TMEM65: variants seen among roughly 807,000 people sequenced by gnomAD.
The protein encoded by TMEM65 is transmembrane protein 65.
In TMEM65, 22 loss-of-function variants were observed where a neutral mutation model predicts 25.4. The observed-to-expected ratio is 0.86, with a 90% CI of 0.62 to 1.23. The LOEUF is 1.23. Among genes scored for constraint, TMEM65 ranks in the 50% most tolerant of loss-of-function variants. The pLI is 0.00. For synonymous variants in TMEM65, 132 were observed against 126.2 expected (o/e 1.05, Z -0.31); for missense variants, 262 against 308.2 (o/e 0.85, Z 1.12).
At chr8:124,351,121 A>T (rs2131219534) in intron 1 of TMEM65, 1 of 984,710 alleles carries the variant, frequency 1.0e-6, no homozygotes, top group Non-Finnish European at 1.2e-6. Context: ...TCTGCATGCT[A>T]AAAGATATTT....
At chr8:124,327,898 A>G (rs551823524) in intron 2 of TMEM65, among the ~76,000 whole-genome samples, 2 of 152,212 alleles carry the variant, frequency 1.3e-5, no homozygotes, top group East Asian at 3.9e-4. Flanking sequence ...GCTTTTACTA[A>G]CTAATTTTTT....
intron 1 of TMEM65, among the ~76,000 whole-genome samples, chr8:124,334,341 T>C (rs189154695): frequency 4.6e-5 from 7 of 152,302 alleles, no homozygotes; most frequent in Non-Finnish European, 1.5e-5. Flanking sequence ...ATTAAAATTG[T>C]ATTCAAAGAT....
At chr8:124,344,068 T>C (rs533279773) in intron 1 of TMEM65, among the ~76,000 whole-genome samples, 1 of 152,350 alleles carries the variant, frequency 6.6e-6, no homozygotes, top group South Asian at 2.1e-4. Flanking sequence ...TGGCCTCTAA[T>C]GTACAAAGCA....
At chr8:124,315,325 G>GT (rs112083301) in intron 6 of TMEM65, among the ~76,000 whole-genome samples, 8,333 of 139,632 alleles carry the variant, frequency 0.06, 231 homozygotes, top group Non-Finnish European at 0.063. Context: ...TTTTTTTTTT[G>GT]TTTGTTTTTT....
intron 1 of TMEM65, among the ~76,000 whole-genome samples, chr8:124,355,642 G>C (rs1006976672): frequency 1.3e-5 from 2 of 152,166 alleles, no homozygotes; most frequent in Non-Finnish European, 2.9e-5. Flanking sequence ...ATATAACATA[G>C]GGGCTTCATC....
Position 124,347,391 on chromosome 8 carries a change from A to G in TMEM65, c.305-16599T>C, listed in dbSNP as rs138076380. Among the ~76,000 whole-genome samples, 647 of 152,292 alleles carry G rather than the reference A, an allele frequency of 4.2e-3. 5 individuals carry two copies. The highest frequency in any genetic ancestry group is 0.015 in the African/African-American group (610 of 41,564). On this transcript the variant is annotated intron_variant, in intron 1 of 6. Coordinates refer to ENST00000297632, the MANE Select transcript of TMEM65 (RefSeq NM_194291.3). ...ATGTAGGAAAGAAATTTCTACTTAT[A>G]TCTTATAAAAACTAACATTGTAATG...
Position 124,318,363 on chromosome 8 carries a change from G to GTTTTTTTTTTTTT in TMEM65, c.621+1722_621+1723insAAAAAAAAAAAAA, listed in dbSNP as rs144957064. Among the ~76,000 whole-genome samples, 18 of 73,838 alleles carry GTTTTTTTTTTTTT rather than the reference G, an allele frequency of 2.4e-4. 5 individuals carry two copies. Among genetic ancestry groups the GTTTTTTTTTTTTT allele is most frequent in the African/African-American group, 7.3e-4 (13 of 17,866 alleles). 48.4% of individuals were successfully genotyped at this position (73,838 alleles called of 152,430 possible). A position where few individuals can be genotyped will look rare whatever the true frequency, so the allele number is the denominator to read the frequency against. Reference sequence around the variant, plus strand: ...TTGTTTTAAGCTGCTGAATTTGCATGTTTTTGTTTTTTTTTTTTTTTTTTT... The same window carrying GTTTTTTTTTTTTT: ...TTGTTTTAAGCTGCTGAATTTGCATGTTTTTTTTTTTTTTTTTTGTTTTTTTTTTTTTTTTTTT... On this transcript the variant is annotated intron_variant, in intron 6 of 6. Transcript: ENST00000297632.
At chr8:124,357,207 C>A (rs937597632) in intron 1 of TMEM65, among the ~76,000 whole-genome samples, 1 of 152,072 alleles carries the variant, frequency 6.6e-6, no homozygotes. Context: ...TACTGCCTAG[C>A]CCTAGTTACT....
intron 1 of TMEM65, among the ~76,000 whole-genome samples, chr8:124,366,014 A>T (rs1410213110): frequency 6.6e-6 from 1 of 152,184 alleles, no homozygotes; most frequent in Non-Finnish European, 1.5e-5. Context: ...TGAGGTCAGG[A>T]GTTCCAGACC....
rs71866914 is a variant in TMEM65 at position 124,350,119 on chromosome 8, AGTGTGTGTGTGTGTGTGT to A, written c.305-19345_305-19328del. On this transcript the variant is annotated intron_variant, in intron 1 of 6. Coordinates refer to ENST00000297632, the MANE Select transcript of TMEM65 (RefSeq NM_194291.3). ...TTTGCAGACAATGTACTAATACATCAGTGTGTGTGTGTGTGTGTGTGTGTGTGTGTGTGCATGTGTGTA... is the reference window on the plus strand; with the variant it reads ...TTTGCAGACAATGTACTAATACATCAGTGTGTGTGTGTGTGCATGTGTGTA... Among the ~76,000 whole-genome samples, 14 of 148,230 alleles carry A rather than the reference AGTGTGTGTGTGTGTGTGT, an allele frequency of 9.4e-5. 1 individual carries two copies. In the South Asian group the frequency reaches 3.0e-3, roughly 32 times the overall value.
intron 1 of TMEM65, among the ~76,000 whole-genome samples, chr8:124,360,953 T>C (rs1022661749): frequency 1.3e-5 from 2 of 152,232 alleles, no homozygotes; most frequent in Non-Finnish European, 2.9e-5. Context: ...GGCTTCTGAA[T>C]TGTCAGTTAT....
chr8:124,354,511 T>C (rs1238613835), intron 1 of TMEM65, among the ~76,000 whole-genome samples: 1 of 152,218 alleles, frequency 6.6e-6, no homozygotes, highest in Non-Finnish European at 1.5e-5. Context: ...ATCAGTCATC[T>C]TGGGGGACCG....
chr8:124,327,793 T>C (rs1345912635), intron 2 of TMEM65, among the ~76,000 whole-genome samples: 1 of 151,958 alleles, frequency 6.6e-6, no homozygotes, highest in East Asian at 1.9e-4. Context: ...TAATCTCTTT[T>C]TCTATTATGA....
intron 1 of TMEM65, among the ~76,000 whole-genome samples, chr8:124,347,114 CAAAACCTGACATTCA>C (rs1450813243): frequency 2.0e-5 from 3 of 151,990 alleles, no homozygotes; most frequent in Non-Finnish European, 2.9e-5. Flanking sequence ...TATATACTTA[CAAAACCTGACATTCA>C]AAATTGAAAA....
At chr8:124,356,899 G>A (rs1185607579) in intron 1 of TMEM65, among the ~76,000 whole-genome samples, 8 of 151,780 alleles carry the variant, frequency 5.3e-5, no homozygotes. Flanking sequence ...GTAGAGACGG[G>A]GTTTTACCAT....
At chr8:124,316,861 G>A (rs1650388190) in intron 6 of TMEM65, among the ~76,000 whole-genome samples, 2 of 152,096 alleles carry the variant, frequency 1.3e-5, no homozygotes, top group Admixed American at 6.6e-5. Flanking sequence ...ATGGACACAT[G>A]TAAACTAAAA....
At chr8:124,324,264 T>C (rs1243726964) in intron 3 of TMEM65, among the ~76,000 whole-genome samples, 3 of 152,112 alleles carry the variant, frequency 2.0e-5, no homozygotes, top group Non-Finnish European at 2.9e-5. Flanking sequence ...GTAGAAATAA[T>C]GCATTACTCA....
chr8:124,352,989 T>C (rs1328507731), intron 1 of TMEM65, among the ~76,000 whole-genome samples: 1 of 151,930 alleles, frequency 6.6e-6, no homozygotes, highest in Admixed American at 6.6e-5. Flanking sequence ...TAGCCGGGCA[T>C]GGTAGTGCAC....
At chr8:124,322,381 T>C (rs1488226920) in intron 4 of TMEM65, among the ~76,000 whole-genome samples, 1 of 152,210 alleles carries the variant, frequency 6.6e-6, no homozygotes, top group African/African-American at 2.4e-5. Flanking sequence ...TGGCAGCCAA[T>C]TTCCATTTTG....
Sources: allele counts gnomAD v4.1 joint callset (sites outside exome capture counted in the v4.1 genomes callset), GRCh38; gene constraint gnomAD v4.1.1; transcripts MANE v1.5; gene names NCBI Gene and HGNC (gene_info 2026-07-23, HGNC 2026-07-21).